The following AVL9 variants were observed in gnomAD, a reference collection of about 807,000 sequenced individuals.
AVL9 encodes the protein late secretory pathway protein AVL9 homolog.
A neutral mutation model predicts 79.2 loss-of-function variants in AVL9; 49 were observed. The observed-to-expected ratio is 0.62, with a 90% CI of 0.49 to 0.79. The LOEUF is 0.79. Among genes scored for constraint, AVL9 ranks in the 30% least tolerant of loss-of-function variants. The probability of loss-of-function intolerance (pLI) is 0.00; values close to 1 mark genes in which losing one functional copy is unlikely to be tolerated. For missense variants in AVL9, 682 were observed against 776.8 expected, an observed-to-expected ratio of 0.88 and a Z score of 1.45; for synonymous variants, 299 against 280.6, an observed-to-expected ratio of 1.07 and a Z score of -0.65.
At position 32,576,016 on chromosome 7, in the gene AVL9, C is replaced by A. The variant is rs1260782088; in HGVS notation, c.1632C>A (p.His544Gln). Reference sequence around the variant, plus strand: ...TTGTTACAGCATGGAAGAATACTCACAACTACAGGGTGTGGAACAGCAACA... The same window carrying A: ...TTGTTACAGCATGGAAGAATACTCAAAACTACAGGGTGTGGAACAGCAACA... ...TTFVTAWKNT[H>Q]NYRVWNSNKH... Residue 544 changes from histidine to glutamine, a missense_variant, in exon 13 of 16, where the codon CAC becomes CAA. Transcript: ENST00000318709. 1.2e-6 allele frequency: 2 copies of A among 1,613,970 alleles called. No homozygotes were observed. The highest frequency in any genetic ancestry group is 8.5e-7 in the Non-Finnish European group (1 of 1,179,980).
intron 1 of AVL9, chr7:32,536,190 A>ATG (rs151264793): frequency 2.0e-5 from 3 of 151,874 alleles, no homozygotes; most frequent in Non-Finnish European, 2.9e-5. Flanking sequence ...GTACAGCTAT[A>ATG]TGTACTTCAC....
rs751764986 is a variant in AVL9, at chr7:32,583,754, A to G, written c.1832-38A>G. 9 of 1,337,044 alleles carry G rather than the reference A, an allele frequency of 6.7e-6. No individual in the cohort carries two copies. The Admixed American group carries it at 1.3e-4, about 20-fold the overall frequency. The allele number at this position is 1,337,044 out of a possible 1,614,324, so 82.8% of individuals were successfully genotyped here. ...CTTTCACTGTCTCGTAACAAAAGTTAAGACATTTTTCCTTTTGTTTTTCTC... is the reference window on the plus strand; with the variant it reads ...CTTTCACTGTCTCGTAACAAAAGTTGAGACATTTTTCCTTTTGTTTTTCTC... On this transcript the variant is annotated intron_variant, in intron 15 of 15. Coordinates refer to ENST00000318709, the MANE Select transcript of AVL9 (RefSeq NM_015060.3).
rs1461790490 is a variant in AVL9 at position 32,495,784 on chromosome 7, C to G, written c.75C>G (p.His25Gln). The G allele has an allele frequency of 7.1e-6, 9 of 1,259,406 alleles. No individual in the cohort carries two copies. Among genetic ancestry groups the G allele is most frequent in the Non-Finnish European group, 9.1e-6 (9 of 992,352 alleles). 78.0% of individuals were successfully genotyped at this position (1,259,406 alleles called of 1,614,324 possible). ...PVLHIVVVGF[H>Q]HKKGCQVEFS... ...TGCACATCGTGGTGGTCGGATTTCA[C>G]CACAAGAAGGGCTGCCAGGTGAGGA... Residue 25 changes from histidine (H) to glutamine (Q), a missense_variant, in exon 1 of 16, where the codon CAC becomes CAG. Transcript: ENST00000318709.
At chr7:32,500,512 A>T (rs1787077502) in intron 1 of AVL9, among the ~76,000 whole-genome samples, 1 of 151,416 alleles carries the variant, frequency 6.6e-6, no homozygotes, top group African/African-American at 2.4e-5. Flanking sequence ...GATTGCAAAA[A>T]TTTTCTCTCA....
At chr7:32,574,243 A>ACACCACCAC (rs11281768) in intron 12 of AVL9, among the ~76,000 whole-genome samples, 73 of 151,268 alleles carry the variant, frequency 4.8e-4, no homozygotes, top group Middle Eastern at 6.8e-3. Flanking sequence ...TTTTTAATCA[A>ACACCACCAC]CACCACCACC....
intron 1 of AVL9, among the ~76,000 whole-genome samples, chr7:32,498,975 A>G (rs13247768): frequency 1 from 23,178 of 23,188 alleles, 11,584 homozygotes; most frequent in Middle Eastern, 1. Context: ...ACCAGCCTGG[A>G]CAACACGGTG....
In AVL9 at chr7:32,580,876, C is replaced by T; in HGVS notation, c.1817C>T (p.Thr606Ile). The T allele has an allele frequency of 6.2e-7, 1 of 1,613,596 alleles. No individual in the cohort carries two copies. The highest frequency in any genetic ancestry group is 8.5e-7 in the Non-Finnish European group (1 of 1,179,764). Reference protein sequence around the residue: ...MVTTSRNVVQTGKAVGQSVGG... With the variant: ...MVTTSRNVVQIGKAVGQSVGG... ...ACAACTAGCCGGAATGTTGTACAAA[C>T]AGGAAAAGCTGTTGGTAAGACATGC... Residue 606 changes from threonine to isoleucine, a missense_variant, in exon 15 of 16, where the codon ACA becomes ATA. Coordinates refer to ENST00000318709, the MANE Select transcript of AVL9 (RefSeq NM_015060.3).
chr7:32,554,647 CTTT>C (rs761838802), intron 8 of AVL9, 51 bp downstream of exon 8: 1 of 1,199,972 alleles, frequency 8.3e-7, no homozygotes, highest in Non-Finnish European at 1.1e-6. Flanking sequence ...CTTTTATTCA[CTTT>C]TTTTTACATT....
Position 32,548,888 on chromosome 7 carries a change from T to C in AVL9, c.342T>C (p.Val114=). 1 of 1,578,102 alleles carries C rather than the reference T, an allele frequency of 6.3e-7. No homozygotes were observed. The highest frequency in any genetic ancestry group is 8.6e-7 in the Non-Finnish European group (1 of 1,163,418). The change falls in exon 4 of 16, where the codon GTT becomes GTC. Residue 114 remains valine, a synonymous_variant. Coordinates refer to ENST00000318709, the MANE Select transcript of AVL9 (RefSeq NM_015060.3). The stretch of plus-strand genomic sequence containing the variant: ...AAGCAGATATCACCAGAGAGACTGT[T>C]CAGAAAAGTGTCTGTGTTCTAAGCA... The part of the protein sequence containing the change: ...VRQADITRET[V]QKSVCVLSKL...
rs572354427 is a variant in AVL9 at position 32,573,432 on chromosome 7, C to T, written c.1570+14C>T. 49 of 1,599,702 alleles carry T rather than the reference C, an allele frequency of 3.1e-5. No homozygotes were observed. The highest frequency in any genetic ancestry group is 5.3e-5 in the African/African-American group (4 of 74,794). Reference sequence around the variant, plus strand: ...CACTGCAATTAGGTAAGAAACCACACGGAGCCTACAGCTACCTGTTTTATT... The same window carrying T: ...CACTGCAATTAGGTAAGAAACCACATGGAGCCTACAGCTACCTGTTTTATT... On this transcript the variant is annotated intron_variant, in intron 12 of 15. Transcript: ENST00000318709.
chr7:32,583,995 C>G lies in AVL9; in HGVS notation c.*88C>G, dbSNP rs1175429351. 1.1e-6 allele frequency: 1 copy of G among 894,994 alleles called. No individual in the cohort carries two copies. Among genetic ancestry groups the G allele is most frequent in the Non-Finnish European group, 1.9e-6 (1 of 535,456 alleles). 55.4% of individuals were successfully genotyped at this position (894,994 alleles called of 1,614,324 possible). On this transcript the variant is annotated 3_prime_UTR_variant, in exon 16 of 16. Transcript: ENST00000318709. Reference sequence around the variant, plus strand: ...CCCAGGCTGTTACTAGCCACAGATCCACAGCAGGGGACCATATGTCGAACT... The same window carrying G: ...CCCAGGCTGTTACTAGCCACAGATCGACAGCAGGGGACCATATGTCGAACT...
chr7:32,499,758 C>G (rs1347355992), intron 1 of AVL9, among the ~76,000 whole-genome samples: 1 of 152,094 alleles, frequency 6.6e-6, no homozygotes, highest in South Asian at 2.1e-4. Context: ...CCTCCCATCC[C>G]CCAACAGGCA....
Position 32,542,920 on chromosome 7 carries a change from C to A in AVL9, c.94-221C>A, listed in dbSNP as rs1018309325. ...TTATGCACATTAAAGTTTAACCGAC[C>A]TTAAATCAGAAAGTGGAGAAAGGCT... On this transcript the variant is annotated intron_variant, in intron 1 of 15. Coordinates refer to ENST00000318709, the MANE Select transcript of AVL9 (RefSeq NM_015060.3). Among the ~76,000 whole-genome samples, 8 of 152,180 alleles carry A rather than the reference C, an allele frequency of 5.3e-5. 1 individual carries two copies. Among genetic ancestry groups the A allele is most frequent in the Admixed American group, 5.2e-4 (8 of 15,290 alleles).
Position 32,585,536 on chromosome 7 carries a change from G to C in AVL9, c.*1629G>C, listed in dbSNP as rs983031512. ...ACAAGGGATACTTGGGAAATACATTGTGAGTATGATCTATCCCAGATTGCT... is the reference window on the plus strand; with the variant it reads ...ACAAGGGATACTTGGGAAATACATTCTGAGTATGATCTATCCCAGATTGCT... On this transcript the variant is annotated 3_prime_UTR_variant, in exon 16 of 16. Coordinates refer to ENST00000318709, the MANE Select transcript of AVL9 (RefSeq NM_015060.3). 2 of 152,234 alleles carry C rather than the reference G, an allele frequency of 1.3e-5. No individual in the cohort carries two copies. The highest frequency in any genetic ancestry group is 4.8e-5 in the African/African-American group (2 of 41,460). The allele number at this position is 152,234 out of a possible 1,614,324, so 9.4% of individuals were successfully genotyped here. A position where few individuals can be genotyped will look rare whatever the true frequency, so the allele number is the denominator to read the frequency against.
intron 5 of AVL9, 55 bp from the exon 6 acceptor site, chr7:32,552,174 T>G: frequency 9.0e-7 from 1 of 1,111,302 alleles, no homozygotes; most frequent in Non-Finnish European, 1.4e-6. Context: ...AATATATTTC[T>G]AATTCAGATC....
At chr7:32,522,687 G>A (rs1788213936) in intron 1 of AVL9, among the ~76,000 whole-genome samples, 2 of 152,114 alleles carry the variant, frequency 1.3e-5, no homozygotes, top group African/African-American at 2.4e-5. Context: ...GGCACGATTG[G>A]TTTTGAAATG....
intron 15 of AVL9, chr7:32,581,189 T>A (rs1425372032): frequency 3.4e-6 from 1 of 296,000 alleles, no homozygotes; most frequent in Non-Finnish European, 6.3e-6. Flanking sequence ...CAGTTCTTTA[T>A]AAATGGCAGA....
At chr7:32,532,476 A>G (rs750412750) in intron 1 of AVL9, 1 of 151,528 alleles carries the variant, frequency 6.6e-6, no homozygotes, top group South Asian at 2.1e-4. Context: ...CCCTATCAAT[A>G]TATGTTGACA....
At chr7:32,529,989 A>C (rs1192104960) in intron 1 of AVL9, among the ~76,000 whole-genome samples, 4 of 152,332 alleles carry the variant, frequency 2.6e-5, no homozygotes, top group Middle Eastern at 3.4e-3. Context: ...TTCATTATAT[A>C]CATAGACTTT....
Sources: allele counts gnomAD v4.1 joint callset (sites outside exome capture counted in the v4.1 genomes callset), GRCh38; gene constraint gnomAD v4.1.1; transcripts MANE v1.5; gene names NCBI Gene and HGNC (gene_info 2026-07-23, HGNC 2026-07-21).